ARID5B: variants seen among roughly 807,000 people sequenced by gnomAD.
ARID5B encodes the protein AT-rich interaction domain 5B, also known as AT-rich interactive domain-containing protein 5B.
Under a neutral mutation model 97.2 loss-of-function variants are expected in ARID5B, and 13 were observed. That is an observed-to-expected ratio of 0.13 (90% CI 0.09 to 0.21). ARID5B has a LOEUF of 0.21. Among genes scored for constraint, ARID5B ranks in the 10% least tolerant of loss-of-function variants. The pLI, the probability that ARID5B is intolerant of heterozygous loss-of-function variation, is 1.00. For missense variants in ARID5B, 1,210 were observed against 1,465.3 expected, an observed-to-expected ratio of 0.83 and a Z score of 2.84; for synonymous variants, 556 against 570.3, an observed-to-expected ratio of 0.97 and a Z score of 0.36.
intron 4 of ARID5B, among the ~76,000 whole-genome samples, chr10:62,007,293 G>T (rs1348593970): frequency 1.3e-5 from 2 of 152,200 alleles, no homozygotes; most frequent in Non-Finnish European, 2.9e-5. Context: ...GTGAGGCTGT[G>T]TGGAGATGCT....
At chr10:62,013,815 T>TATATATATATATGTATATATATAC (rs915920250) in intron 4 of ARID5B, among the ~76,000 whole-genome samples, 2 of 147,416 alleles carry the variant, frequency 1.4e-5, no homozygotes, top group Non-Finnish European at 1.5e-5. Flanking sequence ...TATATATATA[T>TATATATATATATGTATATATATAC]ACCACATTTT....
At chr10:62,006,705 C>A (rs529845028) in intron 4 of ARID5B, among the ~76,000 whole-genome samples, 3 of 152,240 alleles carry the variant, frequency 2.0e-5, no homozygotes, top group Admixed American at 2.0e-4. Context: ...TGGGCAGAGG[C>A]CTCAGAAGCT....
chr10:61,983,867 CTTTTTTTTTTTTTTTTTT>C lies in ARID5B; in HGVS notation c.503-16210_503-16193del, dbSNP rs1164342402. On this transcript the variant is annotated intron_variant, in intron 3 of 9. Transcript: ENST00000279873. ...TATATTTTTTAAACCCCCTTTTGTT[CTTTTTTTTTTTTTTTTTT>C]TTTTTTTTTTTTTGAGACGGAGTCT... Among the ~76,000 whole-genome samples the C allele has an allele frequency of 2.2e-4, 6 of 27,590 alleles. 1 individual carries two copies. The Admixed American group carries it at 2.9e-3, about 13-fold the overall frequency. The allele number at this position is 27,590 out of a possible 152,430, so 18.1% of individuals were successfully genotyped here. A position where few individuals can be genotyped will look rare whatever the true frequency, so the allele number is the denominator to read the frequency against.
rs1264515245 is a variant in ARID5B, at chr10:62,092,980, G to A, written c.3517G>A (p.Ala1173Thr). 6.2e-7 allele frequency: 1 copy of A among 1,613,522 alleles called. No individual in the cohort carries two copies. Among genetic ancestry groups the A allele is most frequent in the Non-Finnish European group, 8.5e-7 (1 of 1,179,978 alleles). ...TTTAGCTGCTATAAATCCTCAAGCTGCCTTTCCATCTTCCCAGCTGTCATC... is the reference window on the plus strand; with the variant it reads ...TTTAGCTGCTATAAATCCTCAAGCTACCTTTCCATCTTCCCAGCTGTCATC... ...YPLAAINPQA[A>T]FPSSQLSSVH... Residue 1173 changes from alanine to threonine, a missense_variant, in exon 10 of 10, where the codon GCC becomes ACC. Coordinates refer to ENST00000279873, the MANE Select transcript of ARID5B (RefSeq NM_032199.3).
chr10:61,953,693 T>G (rs1234839264), intron 3 of ARID5B, among the ~76,000 whole-genome samples: 1 of 152,340 alleles, frequency 6.6e-6, no homozygotes, highest in South Asian at 2.1e-4. Flanking sequence ...AAGCTTTCAC[T>G]CTGCTTTGAT....
chr10:62,029,286 A>G (rs1166465072), intron 4 of ARID5B, among the ~76,000 whole-genome samples: 1 of 152,022 alleles, frequency 6.6e-6, no homozygotes, highest in Non-Finnish European at 1.5e-5. Context: ...CTTTATCTCT[A>G]CTGCTCTCCA....
At chr10:61,950,285 C>T (rs1307245931) in intron 3 of ARID5B, among the ~76,000 whole-genome samples, 2 of 152,184 alleles carry the variant, frequency 1.3e-5, no homozygotes. Flanking sequence ...GGATTATAGG[C>T]GTGAGCCACC....
chr10:61,981,945 T>G (rs1398434943), intron 3 of ARID5B, among the ~76,000 whole-genome samples: 1 of 152,230 alleles, frequency 6.6e-6, no homozygotes, highest in African/African-American at 2.4e-5. Flanking sequence ...TCTGCAGGGT[T>G]TCACTACCTG....
intron 5 of ARID5B, among the ~76,000 whole-genome samples, chr10:62,055,624 G>T (rs1355506486): frequency 6.6e-6 from 1 of 152,180 alleles, no homozygotes; most frequent in Non-Finnish European, 1.5e-5. Flanking sequence ...TTCATATAAT[G>T]TTAGAGAGTA....
At chr10:62,079,765 A>G (rs953454995) in intron 8 of ARID5B, among the ~76,000 whole-genome samples, 3 of 152,162 alleles carry the variant, frequency 2.0e-5, no homozygotes, top group Admixed American at 2.0e-4. Flanking sequence ...TCTCCCACCC[A>G]CTTCCAGGGG....
chr10:62,057,031 G>C, intron 5 of ARID5B, 86 bp from the exon 6 acceptor site: 3 of 1,299,556 alleles, frequency 2.3e-6, no homozygotes, highest in Non-Finnish European at 3.2e-6. Flanking sequence ...TCACTGAAAA[G>C]TGTTGCTGGC....
intron 3 of ARID5B, among the ~76,000 whole-genome samples, chr10:61,974,988 G>T (rs563315726): frequency 6.6e-6 from 1 of 151,728 alleles, no homozygotes; most frequent in South Asian, 2.1e-4. Context: ...TAATAGCATT[G>T]TTGGTAGGCT....
chr10:62,042,734 A>AC (rs1350703603), intron 4 of ARID5B, among the ~76,000 whole-genome samples: 25 of 151,282 alleles, frequency 1.7e-4, no homozygotes, highest in African/African-American at 6.1e-4. Flanking sequence ...ACACGGTGAA[A>AC]CCCCGTCTCT....
chr10:62,091,701 C>G lies in ARID5B; in HGVS notation c.2238C>G (p.Val746=). ...GCCAAAGCACTGACCATATGGCGGTCAGCCGGCCATCAGTGATTCAGCACG... is the reference window on the plus strand; with the variant it reads ...GCCAAAGCACTGACCATATGGCGGTGAGCCGGCCATCAGTGATTCAGCACG... ...HHGQSTDHMA[V]SRPSVIQHVQ... The change falls in exon 10 of 10, where the codon GTC becomes GTG. Residue 746 remains valine (V), a synonymous_variant. Coordinates refer to ENST00000279873, the MANE Select transcript of ARID5B (RefSeq NM_032199.3). The G allele has an allele frequency of 6.2e-7, 1 of 1,614,148 alleles. No homozygotes were observed. Among genetic ancestry groups the G allele is most frequent in the Non-Finnish European group, 8.5e-7 (1 of 1,180,036 alleles).
intron 2 of ARID5B, among the ~76,000 whole-genome samples, chr10:61,902,703 A>G (rs2893879): frequency 0.085 from 9,674 of 113,220 alleles, 732 homozygotes; most frequent in African/African-American, 0.21. Context: ...GTGTGTGTGT[A>G]TGTGTGTGTG....
At chr10:61,942,727 G>A (rs771315227) in intron 3 of ARID5B, among the ~76,000 whole-genome samples, 6 of 152,200 alleles carry the variant, frequency 3.9e-5, no homozygotes, top group African/African-American at 1.2e-4. Context: ...GGGAGGCAGA[G>A]GTTGCAGTGA....
intron 2 of ARID5B, among the ~76,000 whole-genome samples, chr10:61,912,520 T>C (rs1312014841): frequency 6.6e-6 from 1 of 152,144 alleles, no homozygotes; most frequent in Non-Finnish European, 1.5e-5. Flanking sequence ...AATCATCACA[T>C]TGTATACCTT....
chr10:62,040,310 AAGAAAAATTTT>A (rs1350316990), intron 4 of ARID5B, among the ~76,000 whole-genome samples: 8 of 151,148 alleles, frequency 5.3e-5, no homozygotes, highest in South Asian at 4.2e-4. Flanking sequence ...ACCTCAGCTT[AAGAAAAATTTT>A]TAGATACTAT....
intron 4 of ARID5B, among the ~76,000 whole-genome samples, chr10:62,021,869 A>G (rs753053509): frequency 3.3e-5 from 5 of 152,236 alleles, no homozygotes; most frequent in Non-Finnish European, 5.9e-5. Flanking sequence ...AACCAGTGCC[A>G]TCACCACAAT....
Sources: allele counts gnomAD v4.1 joint callset (sites outside exome capture counted in the v4.1 genomes callset), GRCh38; gene constraint gnomAD v4.1.1; transcripts MANE v1.5; gene names NCBI Gene and HGNC (gene_info 2026-07-23, HGNC 2026-07-21).